POLD3: variants seen among roughly 807,000 people sequenced by gnomAD.
POLD3 encodes DNA polymerase delta subunit 3.
A neutral mutation model predicts 58.2 loss-of-function variants in POLD3; 19 were observed. The ratio of observed to expected loss-of-function variants is 0.33; its 90% CI spans 0.23 to 0.48. POLD3 has a LOEUF of 0.48. Among genes scored for constraint, POLD3 ranks in the 20% least tolerant of loss-of-function variants. POLD3 has a pLI of 0.99. For missense variants in POLD3, 504 were observed against 545.5 expected, an observed-to-expected ratio of 0.92 and a Z score of 0.76; for synonymous variants, 172 against 193.5, an observed-to-expected ratio of 0.89 and a Z score of 0.92.
At chr11:74,598,617 AT>A (rs2031366222) in intron 2 of POLD3, among the ~76,000 whole-genome samples, 1 of 152,182 alleles carries the variant, frequency 6.6e-6, no homozygotes, top group African/African-American at 2.4e-5. Flanking sequence ...ATCTCTAGGC[AT>A]CTTTATGCAC....
intron 4 of POLD3, among the ~76,000 whole-genome samples, chr11:74,667,710 CACA>C (rs2033289621): frequency 6.6e-6 from 1 of 152,132 alleles, no homozygotes; most frequent in Non-Finnish European, 1.5e-5. Flanking sequence ...CTTTCTTAGA[CACA>C]ACACCAAAGC....
chr11:74,607,042 C>T (rs143016757), intron 3 of POLD3, among the ~76,000 whole-genome samples: 4 of 151,956 alleles, frequency 2.6e-5, no homozygotes, highest in Admixed American at 6.6e-5. Flanking sequence ...CCCTGTAGAA[C>T]GAACTGACCA....
intron 1 of POLD3, chr11:74,592,949 A>C (rs2031087345): frequency 2.9e-6 from 4 of 1,393,174 alleles, no homozygotes; most frequent in East Asian, 2.7e-5. Flanking sequence ...TGCTGGGAAC[A>C]GAGCCTGGGG....
At chr11:74,659,315 A>G (rs55998226) in intron 4 of POLD3, among the ~76,000 whole-genome samples, 5,993 of 152,098 alleles carry the variant, frequency 0.039, 179 homozygotes, top group Non-Finnish European at 0.054. Flanking sequence ...GACCTATGAA[A>G]CCACTTTTTC....
rs2032391645 is a variant in POLD3, at chr11:74,625,306, C to T, written c.734-102C>T. On this transcript the variant is annotated intron_variant, in intron 7 of 11. Transcript: ENST00000263681. ...ATAGTCCATGAGCTCCTTTTTGCCC[C>T]TGCTCCTAACATATTACCTGGCACA... 1.0e-5 allele frequency: 9 copies of T among 889,704 alleles called. No homozygotes were observed. The Admixed American group carries it at 2.1e-4, about 20-fold the overall frequency. 55.1% of individuals were successfully genotyped at this position (889,704 alleles called of 1,614,324 possible).
intron 4 of POLD3, among the ~76,000 whole-genome samples, chr11:74,664,512 AAGAGG>A (rs1194057506): frequency 1.3e-5 from 2 of 152,156 alleles, no homozygotes; most frequent in African/African-American, 4.8e-5. Flanking sequence ...CAAAAATTAG[AAGAGG>A]AGAGAACATT....
rs1051078 is a variant in POLD3, at chr11:74,642,616, C to A, written c.*1850C>A. On this transcript the variant is annotated 3_prime_UTR_variant, in exon 12 of 12. Transcript: ENST00000263681. The stretch of plus-strand genomic sequence containing the variant: ...CTATGCCCAATATGCTGCCTCAACT[C>A]TGAGCTGTCTGCAAGGCTTAGTAAG... 1.0e-6 allele frequency: 1 copy of A among 984,710 alleles called. No individual in the cohort carries two copies. The highest frequency in any genetic ancestry group is 1.2e-6 in the Non-Finnish European group (1 of 829,614). The allele number at this position is 984,710 out of a possible 1,614,324, so 61.0% of individuals were successfully genotyped here. A position where few individuals can be genotyped will look rare whatever the true frequency, so the allele number is the denominator to read the frequency against.
chr11:74,641,832 C>T lies in POLD3; in HGVS notation c.*1066C>T. The T allele has an allele frequency of 1.0e-6, 1 of 985,264 alleles. No individual in the cohort carries two copies. Among genetic ancestry groups the T allele is most frequent in the South Asian group, 4.7e-5 (1 of 21,276 alleles). The allele number at this position is 985,264 out of a possible 1,614,324, so 61.0% of individuals were successfully genotyped here. A position where few individuals can be genotyped will look rare whatever the true frequency, so the allele number is the denominator to read the frequency against. Reference sequence around the variant, plus strand: ...CCCTATTTGCTTAAAAGTACAGGCTCCCTAAGAGAGGATGGAGAGGGAGAG... The same window carrying T: ...CCCTATTTGCTTAAAAGTACAGGCTTCCTAAGAGAGGATGGAGAGGGAGAG... On this transcript the variant is annotated 3_prime_UTR_variant, in exon 12 of 12. Transcript: ENST00000263681.
At position 74,625,397 on chromosome 11, in the gene POLD3, T is replaced by C. The variant is rs1339547789; in HGVS notation, c.734-11T>C. ...TGGGGTCATATGTCGTCTGCTATAC[T>C]TTATTTATAGATAAATTTAAAGTCA... On this transcript the variant is annotated splice_polypyrimidine_tract_variant and intron_variant, in intron 7 of 11. Transcript: ENST00000263681. The C allele has an allele frequency of 2.5e-6, 4 of 1,595,686 alleles. No homozygotes were observed. In the South Asian group the frequency reaches 4.5e-5, roughly 18 times the overall value.
chr11:74,655,216 C>G (rs1188815525), intron 4 of POLD3, among the ~76,000 whole-genome samples: 1 of 152,264 alleles, frequency 6.6e-6, no homozygotes, highest in Non-Finnish European at 1.5e-5. Flanking sequence ...TAGCTGACCA[C>G]TAAGCAACAC....
intron 9 of POLD3, among the ~76,000 whole-genome samples, chr11:74,632,469 C>T (rs1413550139): frequency 3.9e-5 from 6 of 152,144 alleles, no homozygotes; most frequent in Admixed American, 3.3e-4. Context: ...TTGGTAAAGA[C>T]TAAGGCAGAC....
In POLD3 at chr11:74,634,666, A is replaced by G. The variant is rs768934242; in HGVS notation, c.1090A>G (p.Lys364Glu). ...PPSPPLEPVP[K>E]TEPEPPSVKS... Reference sequence around the variant, plus strand: ...GTCTCCACCTCTTGAACCAGTGCCAAAGACTGAGCCTGAACCTCCTTCTGT... The same window carrying G: ...GTCTCCACCTCTTGAACCAGTGCCAGAGACTGAGCCTGAACCTCCTTCTGT... The change falls in exon 10 of 12, where the codon AAG (lysine) becomes GAG (glutamate). Residue 364 changes from lysine (K) to glutamate (E), a missense_variant. By Grantham distance (56) the Lys-to-Glu change is moderately conservative (BLOSUM62 1). This residue lies in a region of POLD3 where 385 missense variants were observed against 370.5 expected (regional missense o/e 1.04). Transcript: ENST00000263681. 15 of 1,611,124 alleles carry G rather than the reference A, an allele frequency of 9.3e-6. No individual in the cohort carries two copies. The highest frequency in any genetic ancestry group is 1.6e-4 in the Middle Eastern group (1 of 6,078).
intron 11 of POLD3, among the ~76,000 whole-genome samples, chr11:74,639,051 G>A (rs2032836350): frequency 6.6e-6 from 1 of 152,190 alleles, no homozygotes; most frequent in Non-Finnish European, 1.5e-5. Flanking sequence ...GGGACGGAAT[G>A]CTCCAGTGGC....
intron 4 of POLD3, among the ~76,000 whole-genome samples, chr11:74,650,594 G>A (rs1322324004): frequency 3.3e-5 from 5 of 152,188 alleles, no homozygotes; most frequent in African/African-American, 1.2e-4. Flanking sequence ...GGGTGCTTGG[G>A]CTATAGTCAC....
At chr11:74,655,972 A>C (rs930654770) in intron 4 of POLD3, among the ~76,000 whole-genome samples, 1 of 152,236 alleles carries the variant, frequency 6.6e-6, no homozygotes, top group Non-Finnish European at 1.5e-5. Flanking sequence ...CTAATATGTG[A>C]ATTTAGTAAC....
chr11:74,618,710 C>G lies in POLD3; in HGVS notation c.566C>G (p.Pro189Arg). The change falls in exon 6 of 12, where the codon CCC (proline) becomes CGC (arginine). Residue 189 changes from proline to arginine, a missense_variant. Pro to Arg is a moderately radical substitution (Grantham distance 103). Transcript: ENST00000263681. ...PPASKQVSQQ[P>R]KGIMGMFASK... ...GCATCCAAGCAGGTTTCCCAGCAGC[C>G]CAAAGGAATTATGGGAATGTTTGCC... The G allele has an allele frequency of 1.2e-6, 2 of 1,614,084 alleles. No homozygotes were observed. The highest frequency in any genetic ancestry group is 1.7e-6 in the Non-Finnish European group (2 of 1,179,994).
intron 3 of POLD3, among the ~76,000 whole-genome samples, chr11:74,607,073 CCT>C (rs1236988517): frequency 6.6e-6 from 1 of 151,898 alleles, no homozygotes; most frequent in Non-Finnish European, 1.5e-5. Context: ...CTTACCTATG[CCT>C]TTTTTCCCTT....
rs1554978672 is a variant in POLD3, at chr11:74,636,298, A to G, written c.1198+23A>G. Reference sequence around the variant, plus strand: ...TAGGTAAGACAAATATTTGGCTCCAAATCCAGAGATAGAATCTCTTATTAC... The same window carrying G: ...TAGGTAAGACAAATATTTGGCTCCAGATCCAGAGATAGAATCTCTTATTAC... On this transcript the variant is annotated intron_variant, in intron 11 of 11. Transcript: ENST00000263681. The G allele has an allele frequency of 5.0e-6, 8 of 1,610,682 alleles. No homozygotes were observed. In the East Asian group the frequency reaches 1.8e-4, roughly 36 times the overall value.
downstream of POLD3, among the ~76,000 whole-genome samples, chr11:74,648,010 G>T (rs1319787049): frequency 6.6e-6 from 1 of 152,176 alleles, no homozygotes; most frequent in Non-Finnish European, 1.5e-5. Context: ...GAGTTTAAAT[G>T]ATTTGCCCAA....
Sources: allele counts gnomAD v4.1 joint callset (sites outside exome capture counted in the v4.1 genomes callset), GRCh38; gene constraint gnomAD v4.1.1; regional missense constraint gnomAD v4.1.1; transcripts MANE v1.5; gene names NCBI Gene and HGNC (gene_info 2026-07-23, HGNC 2026-07-21).